CNOT3: variants seen among roughly 807,000 people sequenced by gnomAD.
CNOT3 encodes CCR4-NOT transcription complex subunit 3.
CNOT3 carries 2 observed loss-of-function variants against 89.4 expected under a neutral mutation model. That is an observed-to-expected ratio of 0.02 (90% CI 0.01 to 0.07). The LOEUF is 0.07. CNOT3 is among the 10% of genes least tolerant of loss of function. The pLI, the probability that CNOT3 is intolerant of heterozygous loss-of-function variation, is 1.00. For missense variants in CNOT3, 664 were observed against 1,010.2 expected (o/e 0.66, Z 4.65); for synonymous variants, 486 against 402.0 (o/e 1.21, Z -2.50).
chr19:54,150,752 C>G (rs1314895234), intron 13 of CNOT3, among the ~76,000 whole-genome samples: 3 of 151,152 alleles, frequency 2.0e-5, no homozygotes, highest in Non-Finnish European at 4.4e-5. Flanking sequence ...CCTCATAAAG[C>G]TCTTGGAACA....
At chr19:54,153,689 C>G (rs1387282011) in intron 16 of CNOT3, 26 bp from the exon 17 acceptor site, 2 of 1,608,400 alleles carry the variant, frequency 1.2e-6, no homozygotes, top group Admixed American at 1.7e-5. Context: ...GCCCCCTGAT[C>G]CCCCTCTCCA....
rs2074788073 is a variant in CNOT3 at position 54,148,174 on chromosome 19, T to C, written c.921T>C (p.Pro307=). The part of the protein sequence containing the change: ...SQSPAKNGSK[P]VHSNQHPQSP... Reference sequence around the variant, plus strand: ...CTCCAGCCAAAAACGGCTCCAAGCCTGTCCACAGCAACCAGCACCCTCAGT... The same window carrying C: ...CTCCAGCCAAAAACGGCTCCAAGCCCGTCCACAGCAACCAGCACCCTCAGT... The change falls in exon 11 of 18, where the codon CCT becomes CCC. Residue 307 remains proline, a synonymous_variant. Coordinates refer to ENST00000221232, the MANE Select transcript of CNOT3 (RefSeq NM_014516.4). This position sits in a 1 kb window ranked among gnomAD's most constrained non-coding sequence, Gnocchi z 6.3. 4 of 1,554,718 alleles carry C rather than the reference T, an allele frequency of 2.6e-6. No individual in the cohort carries two copies. In the South Asian group the frequency reaches 3.7e-5, roughly 14 times the overall value.
rs759864730 is a variant in CNOT3, at chr19:54,148,472, G to A, written c.1219G>A (p.Gly407Arg). The A allele has an allele frequency of 5.1e-6, 8 of 1,559,654 alleles. No individual in the cohort carries two copies. Among genetic ancestry groups the A allele is most frequent in the African/African-American group, 1.4e-5 (1 of 73,992 alleles). ...CGGAGGCGGCGGCAGCGGAGGCGGA[G>A]GGAGCAGCAGCAGTAGTAACAGCAG... ...GGGGGGSGGG[G>R]SSSSSNSSAG... The change falls in exon 11 of 18, where the codon GGG becomes AGG. Residue 407 changes from glycine to arginine, a missense_variant. Gly to Arg is a moderately radical substitution (Grantham distance 125). Coordinates refer to ENST00000221232, the MANE Select transcript of CNOT3 (RefSeq NM_014516.4). The surrounding 1 kb of genome is among the most constrained non-coding windows in gnomAD (Gnocchi z 6.3).
rs756255354 is a variant in CNOT3, at chr19:54,152,957, C to A, written c.1995C>A (p.Arg665=). ...CGGACACTGTGGAATTCTACCAGCG[C>A]CTGTCGACCGAGACACTCTTCTTCA... ...PHSDTVEFYQ[R]LSTETLFFIF... is the part of the protein sequence containing the mutation. The change falls in exon 16 of 18, where the codon CGC becomes CGA. Residue 665 remains arginine, a synonymous_variant. Transcript: ENST00000221232. 6.2e-7 allele frequency: 1 copy of A among 1,610,106 alleles called. No individual in the cohort carries two copies. The highest frequency in any genetic ancestry group is 8.5e-7 in the Non-Finnish European group (1 of 1,177,096).
intron 17 of CNOT3, 119 bp from the exon 18 acceptor site, chr19:54,155,190 A>G (rs553796716): frequency 8.5e-7 from 1 of 1,175,782 alleles, no homozygotes; most frequent in East Asian, 2.6e-5. Context: ...CGTGCAGGGC[A>G]GCTGGCCCGG....
At chr19:54,153,041 C>A in intron 16 of CNOT3, 42 bp downstream of exon 16, 1 of 1,568,000 alleles carries the variant, frequency 6.4e-7, no homozygotes, top group Non-Finnish European at 8.7e-7. Flanking sequence ...CCCCCGGCTT[C>A]GCCGCCACCG....
chr19:54,153,110 C>G (rs1293486508), intron 16 of CNOT3, 111 bp downstream of exon 16: 2 of 874,344 alleles, frequency 2.3e-6, no homozygotes, highest in Non-Finnish European at 3.9e-6. Flanking sequence ...GCCACTGGGA[C>G]CGCACCCCCT....
At chr19:54,147,246 A>C (rs1241682454) in intron 10 of CNOT3, among the ~76,000 whole-genome samples, 1 of 152,270 alleles carries the variant, frequency 6.6e-6, no homozygotes, top group Non-Finnish European at 1.5e-5. Flanking sequence ...AAACGCTGCT[A>C]CAGAACAATG....
rs762116071 is a variant in CNOT3, at chr19:54,145,938, C to T, written c.732C>T (p.Pro244=). The T allele has an allele frequency of 3.1e-6, 5 of 1,613,818 alleles. No individual in the cohort carries two copies. The highest frequency in any genetic ancestry group is 3.3e-5 in the Admixed American group (2 of 59,998). ...IPQALVATSP[P]SHSHMEDEIF... ...AGGCGCTGGTCGCCACCTCCCCCCC[C>T]AGCCACAGCCACATGGAGGATGAGA... The change falls in exon 9 of 18, where the codon CCC becomes CCT. Residue 244 remains proline, a synonymous_variant. Transcript: ENST00000221232. This position sits in a 1 kb window ranked among gnomAD's most constrained non-coding sequence, Gnocchi z 5.9.
chr19:54,151,367 A>C (rs1256256741), intron 13 of CNOT3, among the ~76,000 whole-genome samples: 1 of 152,016 alleles, frequency 6.6e-6, no homozygotes, highest in African/African-American at 2.4e-5. Flanking sequence ...TGTGTGGGAC[A>C]TGGTGGCACG....
At position 54,149,703 on chromosome 19, in the gene CNOT3, C is replaced by T. The variant is rs751926912; in HGVS notation, c.1550C>T (p.Ala517Val). 5 of 1,614,048 alleles carry T rather than the reference C, an allele frequency of 3.1e-6. No homozygotes were observed. The South Asian group carries it at 5.5e-5, about 18-fold the overall frequency. Residue 517 changes from alanine to valine, a missense_variant, in exon 13 of 18, where the codon GCA (alanine) becomes GTA (valine). Physicochemically the swap from Ala to Val is moderately conservative, Grantham distance 64. Around this residue, in one of 8 missense-constraint regions of CNOT3, gnomAD observed 545 missense variants for 566.2 expected, o/e 0.96. Transcript: ENST00000221232. ...SPTPSFSDAK[A>V]AGALLNGPPQ... is the part of the protein sequence containing the mutation. Reference sequence around the variant, plus strand: ...ACGCCCAGCTTCAGTGATGCCAAGGCAGCCGGTGCCCTGCTCAATGGGCCT... The same window carrying T: ...ACGCCCAGCTTCAGTGATGCCAAGGTAGCCGGTGCCCTGCTCAATGGGCCT...
rs2074540819 is a variant in CNOT3 at position 54,143,513 on chromosome 19, A to G, written c.165A>G (p.Leu55=). The change falls in exon 4 of 18, where the codon CTA becomes CTG. Residue 55 remains leucine (L), a synonymous_variant. Transcript: ENST00000221232. ...EADLKKEIKK[L]QRLRDQIKTW... Reference sequence around the variant, plus strand: ...ACCTAAAGAAGGAGATTAAGAAGCTACAAGTGAGGGGGCTGGGGGCCTGGA... The same window carrying G: ...ACCTAAAGAAGGAGATTAAGAAGCTGCAAGTGAGGGGGCTGGGGGCCTGGA... The G allele has an allele frequency of 6.2e-7, 1 of 1,614,030 alleles. No individual in the cohort carries two copies. Among genetic ancestry groups the G allele is most frequent in the Non-Finnish European group, 8.5e-7 (1 of 1,180,004 alleles).
In CNOT3 at chr19:54,144,231, C is replaced by T. The variant is rs746132992; in HGVS notation, c.388-6C>T. ...GATGGGCTTCCTCTTCCTCTCCCTC[C>T]CCTAGAATACCATCGACACGCTCAA... On this transcript the variant is annotated splice_region_variant and splice_polypyrimidine_tract_variant and intron_variant, in intron 6 of 17. Coordinates refer to ENST00000221232, the MANE Select transcript of CNOT3 (RefSeq NM_014516.4). This position sits in a 1 kb window ranked among gnomAD's most constrained non-coding sequence, Gnocchi z 4.8. 2.0e-5 allele frequency: 33 copies of T among 1,613,202 alleles called. No homozygotes were observed. In the South Asian group the frequency reaches 3.2e-4, roughly 16 times the overall value.
chr19:54,147,201 C>T (rs587688329), intron 10 of CNOT3, among the ~76,000 whole-genome samples: 1 of 152,228 alleles, frequency 6.6e-6, no homozygotes, highest in Non-Finnish European at 1.5e-5. Context: ...TCTTCAACTC[C>T]TTTGACATCT....
At chr19:54,147,941 G>A (rs1323905488) in intron 10 of CNOT3, among the ~76,000 whole-genome samples, 2 of 152,164 alleles carry the variant, frequency 1.3e-5, no homozygotes, top group African/African-American at 4.8e-5. Context: ...GGGCAGGCTG[G>A]AAATCAGTGT....
chr19:54,153,705 C>T lies in CNOT3; in HGVS notation c.2038-10C>T, dbSNP rs761424578. 9 of 1,613,228 alleles carry T rather than the reference C, an allele frequency of 5.6e-6. No homozygotes were observed. The highest frequency in any genetic ancestry group is 1.7e-5 in the Admixed American group (1 of 60,002). Reference sequence around the variant, plus strand: ...CCCCCTGATCCCCCTCTCCACTGTTCCTCCCCCAGGGCACTAAGGCACAGT... The same window carrying T: ...CCCCCTGATCCCCCTCTCCACTGTTTCTCCCCCAGGGCACTAAGGCACAGT... On this transcript the variant is annotated splice_polypyrimidine_tract_variant and intron_variant, in intron 16 of 17. Transcript: ENST00000221232.
chr19:54,155,199 G>C (rs572092799), intron 17 of CNOT3, 110 bp from the exon 18 acceptor site: 4 of 1,343,458 alleles, frequency 3.0e-6, no homozygotes, highest in Non-Finnish European at 4.1e-6. Context: ...CAGCTGGCCC[G>C]GTGCCTGACA....
Position 54,155,566 on chromosome 19 carries a change from C to T in CNOT3, c.*159C>T, listed in dbSNP as rs1475637806. 1 of 966,560 alleles carries T rather than the reference C, an allele frequency of 1.0e-6. No individual in the cohort carries two copies. The highest frequency in any genetic ancestry group is 1.5e-6 in the Non-Finnish European group (1 of 659,820). 59.9% of individuals were successfully genotyped at this position (966,560 alleles called of 1,614,324 possible). On this transcript the variant is annotated 3_prime_UTR_variant, in exon 18 of 18. Transcript: ENST00000221232. The stretch of plus-strand genomic sequence containing the variant: ...GGCCGGGAGGTTTTCCTCTCAGCCC[C>T]ACCCTGGGGGCCCGGGGGCGAGGGC...
chr19:54,143,988 C>T lies in CNOT3; in HGVS notation c.259-18C>T. 1.3e-6 allele frequency: 2 copies of T among 1,587,500 alleles called. No individual in the cohort carries two copies. Among genetic ancestry groups the T allele is most frequent in the Non-Finnish European group, 1.7e-6 (2 of 1,173,074 alleles). ...TTCCCACCTTTGAGAGCCCCCCTGC[C>T]AACTGCACTCTCTACAGCAAATGGA... On this transcript the variant is annotated intron_variant, in intron 5 of 17. Transcript: ENST00000221232.
Sources: allele counts gnomAD v4.1 joint callset (sites outside exome capture counted in the v4.1 genomes callset), GRCh38; gene constraint gnomAD v4.1.1; regional missense constraint gnomAD v4.1.1; non-coding constraint Gnocchi (gnomAD v3.1); transcripts MANE v1.5; gene names NCBI Gene and HGNC (gene_info 2026-07-23, HGNC 2026-07-21).